The following OTOG variants were observed in gnomAD, a reference collection of about 807,000 sequenced individuals.
OTOG encodes the protein otogelin.
Under a neutral mutation model 313.8 loss-of-function variants are expected in OTOG, and 296 were observed. The ratio of observed to expected loss-of-function variants is 0.94; its 90% CI spans 0.86 to 1.04. The LOEUF (loss-of-function observed/expected upper bound fraction) is 1.04. Among genes scored for constraint, OTOG ranks in the 50% least tolerant of loss-of-function variants. The pLI is 0.00. For synonymous variants in OTOG, 1,533 were observed against 1,554.9 expected (o/e 0.99, Z 0.33); for missense variants, 3,948 against 3,840.1 (o/e 1.03, Z -0.74).
In OTOG at chr11:17,600,617, C is replaced by T. The variant is rs965528959; in HGVS notation, c.3709+920C>T. On this transcript the variant is annotated intron_variant, in intron 31 of 55. Transcript: ENST00000399397. ...CGGACCAGGGTGTAGCATGAGCATC[C>T]GCAGGACTGCAGTTCTGCCAAAATG... 3.9e-5 allele frequency among the ~76,000 whole-genome samples: 6 copies of T among 152,226 alleles called. No homozygotes were observed. The South Asian group carries it at 6.2e-4, about 16-fold the overall frequency.
Position 17,610,448 on chromosome 11 carries a change from C to T in OTOG, c.5148C>T (p.Ser1716=). 6.4e-7 allele frequency: 1 copy of T among 1,550,626 alleles called. No individual in the cohort carries two copies. The highest frequency in any genetic ancestry group is 8.7e-7 in the Non-Finnish European group (1 of 1,146,984). ...CTGTCAGTCCCCTTGCAACCAGGAG[C>T]TTGGAGATAGTGCTATCCACAGAGA... ...QVPVSPLATR[S]LEIVLSTEKG... The change falls in exon 36 of 56, where the codon AGC becomes AGT. Residue 1716 remains serine (S), a synonymous_variant. Coordinates refer to ENST00000399397, the MANE Select transcript of OTOG (RefSeq NM_001292063.2).
intron 38 of OTOG, among the ~76,000 whole-genome samples, chr11:17,613,180 T>TTCTG (rs1272157400): frequency 1.0e-5 from 1 of 98,238 alleles, no homozygotes; most frequent in African/African-American, 5.4e-5. Context: ...TTTTCTTTCT[T>TTCTG]TCTTTCTTTC....
intron 13 of OTOG, 128 bp from the exon 14 acceptor site, chr11:17,560,963 C>A: frequency 8.0e-7 from 1 of 1,247,906 alleles, no homozygotes; most frequent in Non-Finnish European, 1.1e-6. Flanking sequence ...TAGATCCAAT[C>A]CATGGGGGAA....
At chr11:17,577,495 T>A (rs1445965487) in intron 22 of OTOG, among the ~76,000 whole-genome samples, 1 of 152,038 alleles carries the variant, frequency 6.6e-6, no homozygotes, top group Non-Finnish European at 1.5e-5. Flanking sequence ...ATACAGTAGG[T>A]GGTTAGGAGC....
At chr11:17,550,444 T>C (rs1851908282) in intron 3 of OTOG, among the ~76,000 whole-genome samples, 1 of 152,224 alleles carries the variant, frequency 6.6e-6, no homozygotes, top group Admixed American at 6.5e-5. Flanking sequence ...GTCACTAAAT[T>C]ATCTAAGGGG....
At position 17,578,548 on chromosome 11, in the gene OTOG, G is replaced by T. The variant is rs768789462; in HGVS notation, c.2759+22G>T. The T allele has an allele frequency of 2.9e-5, 44 of 1,506,012 alleles. 1 individual carries two copies. The Middle Eastern group carries it at 5.2e-4, about 18-fold the overall frequency. The allele number at this position is 1,506,012 out of a possible 1,614,324, so 93.3% of individuals were successfully genotyped here. On this transcript the variant is annotated intron_variant, in intron 23 of 55. Coordinates refer to ENST00000399397, the MANE Select transcript of OTOG (RefSeq NM_001292063.2). ...AGGGGTAAGTACCCATGGTGTCGTG[G>T]GCCCGTGATCCTGAAGGCTGGCAGA...
At chr11:17,635,789 G>A in intron 47 of OTOG, 78 bp downstream of exon 47, 3 of 1,222,778 alleles carry the variant, frequency 2.5e-6, no homozygotes, top group East Asian at 5.1e-5. Context: ...ACCAATGGGG[G>A]TTGACAGGGA....
At chr11:17,637,946 C>G (rs1428322858) in intron 47 of OTOG, among the ~76,000 whole-genome samples, 2 of 152,190 alleles carry the variant, frequency 1.3e-5, no homozygotes, top group African/African-American at 4.8e-5. Context: ...GCCTTGTTCT[C>G]CCAGCAAATG....
intron 23 of OTOG, among the ~76,000 whole-genome samples, chr11:17,579,559 T>C (rs1257061927): frequency 6.6e-6 from 1 of 152,066 alleles, no homozygotes; most frequent in Non-Finnish European, 1.5e-5. Flanking sequence ...TATATAGATA[T>C]CATAATGTGG....
rs1481003895 is a variant in OTOG, at chr11:17,573,254, C to T, written c.2257C>T (p.Leu753Phe). The change falls in exon 19 of 56, where the codon CTC becomes TTC. Residue 753 changes from leucine to phenylalanine, a missense_variant. Physicochemically the swap from Leu to Phe is conservative, Grantham distance 22. Coordinates refer to ENST00000399397, the MANE Select transcript of OTOG (RefSeq NM_001292063.2). ...HYAHLCRRHGLPVDFRARLPA... is the reference protein window; with the variant it reads ...HYAHLCRRHGFPVDFRARLPA... ...CGCCCACCTGTGCCGGCGCCATGGG[C>T]TCCCCGTTGATTTCCGCGCCCGCCT... is the stretch of plus-strand genomic sequence containing the variant. The T allele has an allele frequency of 1.1e-5, 17 of 1,531,438 alleles. No individual in the cohort carries two copies. The highest frequency in any genetic ancestry group is 1.5e-5 in the Non-Finnish European group (17 of 1,143,224). 94.9% of individuals were successfully genotyped at this position (1,531,438 alleles called of 1,614,324 possible). A position where few individuals can be genotyped will look rare whatever the true frequency, so the allele number is the denominator to read the frequency against.
At chr11:17,556,691 G>A (rs927747571) in intron 7 of OTOG, among the ~76,000 whole-genome samples, 3 of 152,168 alleles carry the variant, frequency 2.0e-5, no homozygotes, top group African/African-American at 2.4e-5. Flanking sequence ...CCAAATTCCA[G>A]GTTGGCTAGG....
intron 15 of OTOG, among the ~76,000 whole-genome samples, chr11:17,565,493 T>C (rs1852277555): frequency 6.6e-6 from 1 of 152,184 alleles, no homozygotes; most frequent in Admixed American, 6.5e-5. Context: ...ACTTACTCCT[T>C]TTTCCCCCTT....
In OTOG at chr11:17,645,921, G is replaced by A. The variant is rs755649552; in HGVS notation, c.8719G>A (p.Asp2907Asn). ...GCCCTATACAGTGCAGGAGCCCACC[G>A]ACTGTGCCTGCCAGTGGTCCTGAGG... is the stretch of plus-strand genomic sequence containing the variant. The part of the protein sequence containing the change: ...WVPYTVQEPT[D>N]CACQWS Residue 2907 changes from aspartate (D) to asparagine (N), a missense_variant, in exon 56 of 56, where the codon GAC becomes AAC. Physicochemically the swap from Asp to Asn is conservative, Grantham distance 23 (BLOSUM62 1). Coordinates refer to ENST00000399397, the MANE Select transcript of OTOG (RefSeq NM_001292063.2). 20 of 1,549,650 alleles carry A rather than the reference G, an allele frequency of 1.3e-5. No homozygotes were observed. The highest frequency in any genetic ancestry group is 7.3e-5 in the East Asian group (3 of 40,940).
chr11:17,574,795 G>A lies in OTOG; in HGVS notation c.2369G>A (p.Ser790Asn). 1 of 1,550,668 alleles carries A rather than the reference G, an allele frequency of 6.4e-7. No homozygotes were observed. Among genetic ancestry groups the A allele is most frequent in the Non-Finnish European group, 8.7e-7 (1 of 1,146,958 alleles). The change falls in exon 20 of 56, where the codon AGC (serine) becomes AAC (asparagine). Residue 790 changes from serine to asparagine, a missense_variant. Ser to Asn is a conservative substitution (Grantham distance 46). Coordinates refer to ENST00000399397, the MANE Select transcript of OTOG (RefSeq NM_001292063.2). ...PCGRTCQDLA[S>N]PEACGVDGGD... The stretch of plus-strand genomic sequence containing the variant: ...GGACGTACCTGCCAGGACCTGGCCA[G>A]CCCTGAGGCCTGTGGGGTTGATGGT...
rs1253030003 is a variant in OTOG, at chr11:17,611,046, CAAGT to C, written c.5747_5750del (p.Gln1916ArgfsTer50). 3.6e-5 allele frequency: 56 copies of C among 1,550,546 alleles called. No individual in the cohort carries two copies. The highest frequency in any genetic ancestry group is 4.7e-5 in the Non-Finnish European group (54 of 1,147,034). On this transcript the variant is annotated frameshift_variant, in exon 36 of 56. Coordinates refer to ENST00000399397, the MANE Select transcript of OTOG (RefSeq NM_001292063.2). LOFTEE classifies it high-confidence loss of function. ...AGGGAAGGTGGCCATCCTATCCAAG[CAAGT>C]GTCTCTGCCCACTTCCATGTATGGT...
intron 25 of OTOG, among the ~76,000 whole-genome samples, chr11:17,592,577 A>G (rs147424511): frequency 9.0e-4 from 137 of 152,280 alleles, no homozygotes; most frequent in Middle Eastern, 6.8e-3. Context: ...TGTTTAGTTT[A>G]TGTGAATAAG....
At position 17,596,993 on chromosome 11, in the gene OTOG, C is replaced by A. The variant is rs938096068; in HGVS notation, c.3668C>A (p.Thr1223Asn). The A allele has an allele frequency of 6.5e-7, 1 of 1,548,474 alleles. No individual in the cohort carries two copies. Among genetic ancestry groups the A allele is most frequent in the East Asian group, 2.4e-5 (1 of 40,900 alleles). ...CATGGGGTGGCTGTTGACTGGCGAACCCCCCGCCTCTGCCGTGAGTGTCCC... is the reference window on the plus strand; with the variant it reads ...CATGGGGTGGCTGTTGACTGGCGAAACCCCCGCCTCTGCCGTGAGTGTCCC... The part of the protein sequence containing the change: ...CQHGVAVDWR[T>N]PRLCPYDCDF... Residue 1223 changes from threonine to asparagine, a missense_variant, in exon 30 of 56, where the codon ACC becomes AAC. By Grantham distance (65) the Thr-to-Asn change is moderately conservative (BLOSUM62 0). Coordinates refer to ENST00000399397, the MANE Select transcript of OTOG (RefSeq NM_001292063.2).
chr11:17,575,344 G>A (rs1025989209), intron 20 of OTOG, among the ~76,000 whole-genome samples: 2 of 152,232 alleles, frequency 1.3e-5, no homozygotes, highest in Non-Finnish European at 2.9e-5. Context: ...ATGGACAGGT[G>A]GCAACAAGAG....
At chr11:17,574,938 G>C in intron 20 of OTOG, 26 bp downstream of exon 20, 1 of 1,470,958 alleles carries the variant, frequency 6.8e-7, no homozygotes, top group East Asian at 2.6e-5. Context: ...TGATCTCTGA[G>C]TTGGGTGGGA....
Sources: allele counts gnomAD v4.1 joint callset (sites outside exome capture counted in the v4.1 genomes callset), GRCh38; gene constraint gnomAD v4.1.1; transcripts MANE v1.5; gene names NCBI Gene and HGNC (gene_info 2026-07-23, HGNC 2026-07-21).